SLC47A2: variants seen among roughly 807,000 people sequenced by gnomAD.
SLC47A2 encodes the protein solute carrier family 47 member 2, also known as multidrug and toxin extrusion protein 2.
A neutral mutation model predicts 67.7 loss-of-function variants in SLC47A2; 52 were observed. The ratio of observed to expected loss-of-function variants is 0.77; its 90% CI spans 0.61 to 0.97. The LOEUF (loss-of-function observed/expected upper bound fraction) is 0.97. Ranked by LOEUF, SLC47A2 falls within the 50% of genes least tolerant of loss-of-function variation. The pLI, the probability that SLC47A2 is intolerant of heterozygous loss-of-function variation, is 0.00. For synonymous variants in SLC47A2, 278 were observed against 292.9 expected, an observed-to-expected ratio of 0.95 and a Z score of 0.52; for missense variants, 676 against 712.3, an observed-to-expected ratio of 0.95 and a Z score of 0.58.
chr17:19,713,172 G>A (rs571932289), intron 4 of SLC47A2, among the ~76,000 whole-genome samples: 51 of 152,142 alleles, frequency 3.4e-4, no homozygotes, highest in African/African-American at 1.1e-3. Flanking sequence ...GGTGGATCAC[G>A]AGGTCAGGAG....
chr17:19,696,295 C>A (rs142821554), intron 13 of SLC47A2, among the ~76,000 whole-genome samples: 130 of 116,242 alleles, frequency 1.1e-3, no homozygotes, highest in African/African-American at 1.3e-3. Context: ...TACTAAAATA[C>A]AAAAAAAAAA....
At chr17:19,688,810 G>A (rs142353484) in intron 13 of SLC47A2, among the ~76,000 whole-genome samples, 23 of 150,766 alleles carry the variant, frequency 1.5e-4, no homozygotes, top group African/African-American at 3.9e-4. Flanking sequence ...TGTTCACCTC[G>A]GCCTCCCAAA....
Position 19,681,590 on chromosome 17 carries a change from G to A in SLC47A2, c.1245C>T (p.Ile415=), listed in dbSNP as rs200117290. 1.2e-5 allele frequency: 20 copies of A among 1,614,146 alleles called. No homozygotes were observed. The highest frequency in any genetic ancestry group is 1.1e-4 in the African/African-American group (8 of 75,016). ...TCAGAAGGATGCCCAGTGGTAGGCCGATGATGTAATATGTGATGGCATTCA... is the reference window on the plus strand; with the variant it reads ...TCAGAAGGATGCCCAGTGGTAGGCCAATGATGTAATATGTGATGGCATTCA... The part of the protein sequence containing the change: ...AAVNAITYYI[I]GLPLGILLTF... Residue 415 remains isoleucine, a synonymous_variant, in exon 14 of 17, where the codon ATC becomes ATT. Coordinates refer to ENST00000433844, the MANE Select transcript of SLC47A2 (RefSeq NM_001099646.3).
chr17:19,708,164 G>A, intron 7 of SLC47A2, 138 bp downstream of exon 7: 2 of 943,734 alleles, frequency 2.1e-6, no homozygotes, highest in Non-Finnish European at 3.1e-6. Flanking sequence ...GGACCATCAG[G>A]CCCCTCCAAC....
At chr17:19,716,626 C>G, upstream of SLC47A2, 3 of 1,486,396 alleles carry the variant, frequency 2.0e-6, no homozygotes, top group East Asian at 5.0e-5. Flanking sequence ...GCGAGCCACC[C>G]CCTGCCTGGG....
intron 13 of SLC47A2, among the ~76,000 whole-genome samples, chr17:19,682,608 T>C (rs936213819): frequency 2.6e-5 from 4 of 152,224 alleles, no homozygotes; most frequent in Admixed American, 2.0e-4. Context: ...TGTATTTACA[T>C]TGGGCCCACT....
At position 19,713,944 on chromosome 17, in the gene SLC47A2, C is replaced by A. The variant is rs1479484265; in HGVS notation, c.324G>T (p.Val108=). The change falls in exon 4 of 17, where the codon GTG becomes GTT. Residue 108 remains valine, a synonymous_variant. Transcript: ENST00000433844. ...QSFGSPNKKH[V]GVILQRGALV... ...GCGCGCCCCGCTGCAGGATCACGCC[C>A]ACGTGCTTCTTGTTGGGGCTGCCGA... 2.5e-6 allele frequency: 4 copies of A among 1,613,270 alleles called. No individual in the cohort carries two copies. The highest frequency in any genetic ancestry group is 2.5e-6 in the Non-Finnish European group (3 of 1,179,522).
chr17:19,693,650 T>C (rs2108970), intron 13 of SLC47A2, among the ~76,000 whole-genome samples: 89,054 of 150,698 alleles, frequency 0.59, 26,963 homozygotes, highest in East Asian at 0.94. Flanking sequence ...AAATAAAAAT[T>C]AGCCAGGCAC....
intron 10 of SLC47A2, chr17:19,704,727 G>GT: frequency 6.5e-7 from 1 of 1,543,788 alleles, no homozygotes; most frequent in East Asian, 2.4e-5. Context: ...GGGGGCTGTG[G>GT]TGGAGGAGAG....
intron 13 of SLC47A2, among the ~76,000 whole-genome samples, chr17:19,690,241 C>T (rs1314869469): frequency 1.3e-5 from 2 of 152,078 alleles, no homozygotes. Context: ...AAGCTAGACC[C>T]CTATCTCTCA....
upstream of SLC47A2, chr17:19,717,460 A>T (rs2086291180): frequency 6.6e-6 from 1 of 152,374 alleles, no homozygotes; most frequent in Admixed American, 6.5e-5. Flanking sequence ...TGCACCGGTC[A>T]CCTAGCCCAG....
intron 5 of SLC47A2, among the ~76,000 whole-genome samples, chr17:19,712,115 G>T (rs185931212): frequency 6.6e-6 from 1 of 152,152 alleles, no homozygotes; most frequent in African/African-American, 2.4e-5. Context: ...GGCCGGGCAC[G>T]GTGGCTCACA....
At chr17:19,695,120 T>C (rs2152345163) in intron 13 of SLC47A2, among the ~76,000 whole-genome samples, 1 of 152,062 alleles carries the variant, frequency 6.6e-6, no homozygotes, top group East Asian at 1.9e-4. Flanking sequence ...AAAGATACCA[T>C]TAAGAAAATG....
At chr17:19,693,600 G>A (rs138134022) in intron 13 of SLC47A2, among the ~76,000 whole-genome samples, 9 of 140,558 alleles carry the variant, frequency 6.4e-5, no homozygotes, top group East Asian at 2.3e-4. Flanking sequence ...GTGAAACCCC[G>A]TCTCTACTAA....
chr17:19,714,959 C>G, intron 2 of SLC47A2, 157 bp downstream of exon 2: 2 of 1,233,634 alleles, frequency 1.6e-6, no homozygotes, highest in South Asian at 2.4e-5. Context: ...CCGCCTCCAT[C>G]TCCGGCCCTC....
At position 19,703,156 on chromosome 17, in the gene SLC47A2, G is replaced by C; in HGVS notation, c.1030C>G (p.Leu344Val). 1 of 1,614,128 alleles carries C rather than the reference G, an allele frequency of 6.2e-7. No homozygotes were observed. Among genetic ancestry groups the C allele is most frequent in the Non-Finnish European group, 8.5e-7 (1 of 1,180,018 alleles). The change falls in exon 12 of 17, where the codon CTG (leucine) becomes GTG (valine). Residue 344 changes from leucine to valine, a missense_variant. By Grantham distance (32) the Leu-to-Val change is conservative (BLOSUM62 1). Coordinates refer to ENST00000433844, the MANE Select transcript of SLC47A2 (RefSeq NM_001099646.3). ...ATGCTTATCAGGGTGCCCAGGACCA[G>C]GGAAATGCCAACTGGAAGAGACAAA... Reference protein sequence around the residue: ...SGVLSIVGISLVLGTLISILK... With the variant: ...SGVLSIVGISVVLGTLISILK...
chr17:19,680,984 T>C (rs983479823), intron 15 of SLC47A2, among the ~76,000 whole-genome samples: 5 of 152,142 alleles, frequency 3.3e-5, no homozygotes, highest in East Asian at 3.9e-4. Flanking sequence ...GAGGCCAAGG[T>C]GGGCGGATCA....
chr17:19,703,266 C>A, intron 11 of SLC47A2, 99 bp from the exon 12 acceptor site: 2 of 1,090,952 alleles, frequency 1.8e-6, no homozygotes, highest in Middle Eastern at 4.1e-4. Flanking sequence ...TGCAAGTCAG[C>A]CCAGCCCTCT....
In SLC47A2 at chr17:19,708,519, T is replaced by C. The variant is rs775249312; in HGVS notation, c.532-120A>G. ...CCCTTCAGCCATCCCTGTTGAGGAG[T>C]TGGAAGAGGCTGGGACGCACAGCCT... On this transcript the variant is annotated intron_variant, in intron 6 of 16. Coordinates refer to ENST00000433844, the MANE Select transcript of SLC47A2 (RefSeq NM_001099646.3). 5 of 1,613,454 alleles carry C rather than the reference T, an allele frequency of 3.1e-6. No individual in the cohort carries two copies. The African/African-American group carries it at 4.0e-5, about 13-fold the overall frequency.
Sources: gnomAD v4.1 joint callset for allele counts (sites outside exome capture counted in the v4.1 genomes callset) on GRCh38, gnomAD v4.1.1 for gene constraint, MANE v1.5 for transcripts, NCBI Gene and HGNC (gene_info 2026-07-23, HGNC 2026-07-21) for gene names.